The following EMSY variants were observed in gnomAD, a reference collection of about 807,000 sequenced individuals.
The protein encoded by EMSY is BRCA2-interacting transcriptional repressor EMSY.
EMSY carries 26 observed loss-of-function variants against 134.6 expected under a neutral mutation model. The ratio of observed to expected loss-of-function variants is 0.19; its 90% confidence interval spans 0.14 to 0.27. The LOEUF (loss-of-function observed/expected upper bound fraction) is 0.27, where lower values mean the gene tolerates loss of function less well. EMSY is among the 10% of genes least tolerant of loss of function. EMSY has a pLI of 1.00. For missense variants in EMSY, 1,305 were observed against 1,611.4 expected, an observed-to-expected ratio of 0.81 and a Z score of 3.26; for synonymous variants, 579 against 577.8, an observed-to-expected ratio of 1.00 and a Z score of -0.03.
intron 9 of EMSY, among the ~76,000 whole-genome samples, chr11:76,504,657 T>C (rs1335260364): frequency 6.6e-6 from 1 of 152,186 alleles, no homozygotes; most frequent in African/African-American, 2.4e-5. Flanking sequence ...AATTAACATA[T>C]GATCCTGAGA....
chr11:76,544,260 C>G, exon 19 of EMSY: 4 of 1,607,720 alleles, frequency 2.5e-6, no homozygotes, highest in Non-Finnish European at 2.6e-6. Context: ...TTTACTTAGG[C>G]ATTAAGCAGT....
intron 10 of EMSY, among the ~76,000 whole-genome samples, chr11:76,514,209 A>G (rs974941140): frequency 3.3e-5 from 5 of 152,082 alleles, no homozygotes; most frequent in African/African-American, 1.2e-4. Context: ...TACCTATGCC[A>G]TAACGTTATT....
chr11:76,473,173 A>G (rs1948640724), intron 8 of EMSY, among the ~76,000 whole-genome samples: 1 of 152,224 alleles, frequency 6.6e-6, no homozygotes, highest in Admixed American at 6.5e-5. Flanking sequence ...ATTTGAAATT[A>G]TATTACCATA....
rs996137672 is a variant in EMSY at position 76,547,514 on chromosome 11, T to C, written c.3774+1217T>C. 2.2e-4 allele frequency among the ~76,000 whole-genome samples: 33 copies of C among 152,232 alleles called. 1 individual carries two copies. Among genetic ancestry groups the C allele is most frequent in the African/African-American group, 4.8e-5 (2 of 41,470 alleles). ...AATGGTTTTCTGGCTTTGCCATTCA[T>C]TGTATGATTTTGGGCAAGGCTACTT... On this transcript the variant is annotated intron_variant, in intron 20 of 20. Coordinates refer to ENST00000334736, the Ensembl canonical transcript of EMSY.
chr11:76,483,968 A>C (rs1236784085), intron 8 of EMSY, among the ~76,000 whole-genome samples: 1 of 152,198 alleles, frequency 6.6e-6, no homozygotes, highest in Non-Finnish European at 1.5e-5. Flanking sequence ...ACCACATCAC[A>C]CTTATTCTAA....
At position 76,489,583 on chromosome 11, in the gene EMSY, T is replaced by A. The variant is rs186294125; in HGVS notation, c.1109-6632T>A. Among the ~76,000 whole-genome samples the A allele has an allele frequency of 2.6e-5, 4 of 151,694 alleles. No homozygotes were observed. The East Asian group carries it at 7.8e-4, about 29-fold the overall frequency. The stretch of plus-strand genomic sequence containing the variant: ...GTTAATATAGCCACTCCAACTTTCT[T>A]ATGATTACTGTTTGCTTGATGTATC... On this transcript the variant is annotated intron_variant, in intron 8 of 20. Coordinates refer to ENST00000334736, the Ensembl canonical transcript of EMSY.
intron 8 of EMSY, among the ~76,000 whole-genome samples, chr11:76,491,235 T>C (rs1475123414): frequency 5.3e-5 from 8 of 150,508 alleles, no homozygotes; most frequent in South Asian, 2.1e-4. Flanking sequence ...AGCTGGAGTA[T>C]AGTGGCATGA....
At chr11:76,491,204 G>A (rs1949411267) in intron 8 of EMSY, among the ~76,000 whole-genome samples, 1 of 146,786 alleles carries the variant, frequency 6.8e-6, no homozygotes, top group South Asian at 2.2e-4. Context: ...TTAAGAGATA[G>A]GGGTCTTACT....
intron 14 of EMSY, among the ~76,000 whole-genome samples, chr11:76,529,118 A>G (rs1481966933): frequency 6.6e-6 from 1 of 152,200 alleles, no homozygotes; most frequent in Non-Finnish European, 1.5e-5. Flanking sequence ...AAACCTCTTG[A>G]AATAAACTCA....
intron 11 of EMSY, among the ~76,000 whole-genome samples, chr11:76,522,098 C>T (rs958582924): frequency 6.6e-6 from 1 of 151,760 alleles, no homozygotes; most frequent in African/African-American, 2.4e-5. Flanking sequence ...AGATTTGCGC[C>T]AGAATTTACA....
chr11:76,496,465 G>A (rs758181602), exon 9 of EMSY: 16 of 1,613,966 alleles, frequency 9.9e-6, no homozygotes, highest in Admixed American at 5.0e-5. Context: ...TCAAACAGGA[G>A]TCAGGTAACT....
intron 9 of EMSY, among the ~76,000 whole-genome samples, chr11:76,502,168 C>T (rs1949889988): frequency 6.7e-6 from 1 of 150,130 alleles, no homozygotes; most frequent in African/African-American, 2.4e-5. Context: ...GCAGACCCAC[C>T]TTACAAGAGA....
intron 8 of EMSY, among the ~76,000 whole-genome samples, chr11:76,482,673 A>G (rs958513280): frequency 1.3e-5 from 2 of 152,234 alleles, no homozygotes; most frequent in African/African-American, 4.8e-5. Flanking sequence ...CAACGTAATG[A>G]AATGAAGTGT....
intron 8 of EMSY, among the ~76,000 whole-genome samples, chr11:76,495,267 T>G (rs1030126188): frequency 1.3e-5 from 2 of 152,190 alleles, no homozygotes; most frequent in Non-Finnish European, 2.9e-5. Flanking sequence ...ATGGTGAGGA[T>G]GTGGTAGAGA....
chr11:76,460,795 C>A (rs1234279715), intron 6 of EMSY: 1 of 152,026 alleles, frequency 6.6e-6, no homozygotes, highest in Non-Finnish European at 1.5e-5. Context: ...GCCTGGCCAA[C>A]CTGACGAAAC....
chr11:76,516,011 T>C (rs1029492323), intron 10 of EMSY, 131 bp from the exon 12 acceptor site: 10 of 740,570 alleles, frequency 1.4e-5, no homozygotes, highest in Non-Finnish European at 2.1e-5. Flanking sequence ...TAAATTAATG[T>C]CTTGACACCT....
intron 14 of EMSY, among the ~76,000 whole-genome samples, chr11:76,529,167 C>T (rs1022569069): frequency 6.6e-6 from 1 of 152,148 alleles, no homozygotes; most frequent in African/African-American, 2.4e-5. Flanking sequence ...ATCTAGTACT[C>T]ATGTCTCTCA....
chr11:76,472,064 T>TAAA (rs780077370), intron 7 of EMSY, among the ~76,000 whole-genome samples: 60,831 of 151,954 alleles, frequency 0.4, 12,551 homozygotes, highest in South Asian at 0.51. Context: ...CATACTTTTT[T>TAAA]GTCTCTTCCA....
exon 12 of EMSY, chr11:76,523,275 C>T (rs1489601585): frequency 2.5e-6 from 4 of 1,612,610 alleles, no homozygotes; most frequent in African/African-American, 1.3e-5. Flanking sequence ...GTTGTCACAA[C>T]GTTGCTAAAT....
Sources: allele counts gnomAD v4.1 joint callset (sites outside exome capture counted in the v4.1 genomes callset), GRCh38; gene constraint gnomAD v4.1.1; transcripts MANE v1.5; gene names NCBI Gene and HGNC (gene_info 2026-07-23, HGNC 2026-07-21).